Variants in LRP2 observed in about 807,000 individuals in gnomAD.
LRP2 encodes LDL receptor related protein 2.
In LRP2, 172 loss-of-function variants were observed where a neutral mutation model predicts 531.0. That is an observed-to-expected ratio of 0.32 (90% CI 0.29 to 0.37). The LOEUF (loss-of-function observed/expected upper bound fraction) is 0.37, where lower values mean the gene tolerates loss of function less well. LRP2 is among the 10% of genes least tolerant of loss of function. The pLI is 1.00. For synonymous variants in LRP2, 1,992 were observed against 2,027.6 expected (o/e 0.98, Z 0.47); for missense variants, 5,167 against 5,868.3 (o/e 0.88, Z 3.90).
At chr2:169,133,058 C>A (rs1363830932) in intron 76 of LRP2, among the ~76,000 whole-genome samples, 1 of 152,202 alleles carries the variant, frequency 6.6e-6, no homozygotes, top group East Asian at 1.9e-4. Flanking sequence ...AGAAGAACAG[C>A]AAGAATAATT....
At chr2:169,193,954 C>G in intron 46 of LRP2, 62 bp from the exon 47 acceptor site, 1 of 1,595,724 alleles carries the variant, frequency 6.3e-7, no homozygotes, top group Non-Finnish European at 8.6e-7. Flanking sequence ...AATCTGGAGA[C>G]AAGCTGGTTG....
chr2:169,328,420 C>T (rs1685174752), intron 1 of LRP2, among the ~76,000 whole-genome samples: 1 of 119,844 alleles, frequency 8.3e-6, no homozygotes, highest in Admixed American at 1.2e-4. Context: ...TACCCAACAG[C>T]TCATTGAGAA....
intron 1 of LRP2, among the ~76,000 whole-genome samples, chr2:169,346,908 C>T (rs1402051328): frequency 2.0e-5 from 3 of 152,136 alleles, no homozygotes; most frequent in African/African-American, 7.2e-5. Context: ...GGAAGGACAG[C>T]CATACTAGAA....
Position 169,280,644 on chromosome 2 carries a change from C to T in LRP2, c.1172-125G>A, listed in dbSNP as rs1683679504. 6 of 969,980 alleles carry T rather than the reference C, an allele frequency of 6.2e-6. No individual in the cohort carries two copies. The South Asian group carries it at 7.0e-5, about 11-fold the overall frequency. 60.1% of individuals were successfully genotyped at this position (969,980 alleles called of 1,614,324 possible). A position where few individuals can be genotyped will look rare whatever the true frequency, so the allele number is the denominator to read the frequency against. ...TCTAGGTTGTCTTACCTGATTTTAA[C>T]ATAAACCTCTGAGGCAGACAGATAG... On this transcript the variant is annotated intron_variant, in intron 10 of 78. Transcript: ENST00000649046.
intron 46 of LRP2, among the ~76,000 whole-genome samples, chr2:169,196,554 T>G (rs959671724): frequency 4.6e-5 from 7 of 152,314 alleles, no homozygotes; most frequent in Admixed American, 3.9e-4. Flanking sequence ...CAATCACTTT[T>G]AGGTCCTCTG....
intron 1 of LRP2, among the ~76,000 whole-genome samples, chr2:169,342,411 T>C (rs181764605): frequency 9.7e-4 from 147 of 152,280 alleles, no homozygotes; most frequent in Non-Finnish European, 1.8e-3. Context: ...AGTTCTACCC[T>C]CATCATCTGT....
chr2:169,233,270 G>T (rs564183383), intron 30 of LRP2, 141 bp downstream of exon 30: 5 of 865,418 alleles, frequency 5.8e-6, no homozygotes, highest in Admixed American at 2.0e-5. Flanking sequence ...ACTAGGGAAA[G>T]TATATAGTGG....
intron 1 of LRP2, among the ~76,000 whole-genome samples, chr2:169,337,938 A>T (rs976468352): frequency 1.3e-5 from 2 of 152,030 alleles, no homozygotes; most frequent in Non-Finnish European, 2.9e-5. Flanking sequence ...GAGAGCCAGT[A>T]TCTACAAAAA....
chr2:169,165,995 T>C lies in LRP2; in HGVS notation c.11695A>G (p.Ser3899Gly). Residue 3899 changes from serine (S) to glycine (G), a missense_variant, in exon 62 of 79, where the codon AGT becomes GGT. Ser to Gly is a moderately conservative substitution (Grantham distance 56). This residue lies in a region of LRP2 where 564 missense variants were observed against 747.7 expected (regional missense o/e 0.75). Transcript: ENST00000649046. ...FRCDNNRCIY[S>G]HEVCNGVDDC... Reference sequence around the variant, plus strand: ...TCCACACCATTGCACACCTCATGACTATAAATGCAGCGATTGTTGTCACAC... The same window carrying C: ...TCCACACCATTGCACACCTCATGACCATAAATGCAGCGATTGTTGTCACAC... The C allele has an allele frequency of 6.2e-7, 1 of 1,614,060 alleles. No homozygotes were observed. Among genetic ancestry groups the C allele is most frequent in the Non-Finnish European group, 8.5e-7 (1 of 1,179,926 alleles).
intron 26 of LRP2, among the ~76,000 whole-genome samples, chr2:169,238,883 C>T (rs1362702434): frequency 6.6e-6 from 1 of 152,108 alleles, no homozygotes; most frequent in African/African-American, 2.4e-5. Flanking sequence ...GTAGAAATTA[C>T]GAATCAAATC....
intron 76 of LRP2, among the ~76,000 whole-genome samples, chr2:169,134,258 C>A (rs980889377): frequency 6.6e-6 from 1 of 152,174 alleles, no homozygotes; most frequent in African/African-American, 2.4e-5. Flanking sequence ...AACTCACTCT[C>A]TACAGTTCTC....
intron 1 of LRP2, among the ~76,000 whole-genome samples, chr2:169,339,106 G>GT (rs1466123222): frequency 1.2e-3 from 148 of 127,406 alleles, no homozygotes; most frequent in African/African-American, 4.5e-3. Context: ...AATTCTACAG[G>GT]GTTTTTTTTT....
intron 16 of LRP2, among the ~76,000 whole-genome samples, chr2:169,270,224 A>C (rs1683366486): frequency 6.6e-6 from 1 of 152,216 alleles, no homozygotes; most frequent in African/African-American, 2.4e-5. Flanking sequence ...TAGAACTAGA[A>C]ATAACATTTG....
chr2:169,240,675 A>C, intron 25 of LRP2: 1 of 522,390 alleles, frequency 1.9e-6, no homozygotes, highest in South Asian at 3.3e-5. Flanking sequence ...AAGTTAGAAA[A>C]ATTAATGAGC....
At chr2:169,327,322 C>G (rs1277379758) in intron 1 of LRP2, among the ~76,000 whole-genome samples, 1 of 117,024 alleles carries the variant, frequency 8.5e-6, no homozygotes, top group African/African-American at 3.4e-5. Context: ...TGGGGTCAGC[C>G]CCCCGCCCGG....
At position 169,169,738 on chromosome 2, in the gene LRP2, C is replaced by T. The variant is rs778317120; in HGVS notation, c.11461G>A (p.Ala3821Thr). Residue 3821 changes from alanine to threonine, a missense_variant, in exon 60 of 79, where the codon GCT becomes ACT. Transcript: ENST00000649046. ...TCATCAGACGCATCCAAACAGTCAG[C>T]GGATCCATCGCATTTCAGTTCACTG... ...VHSELKCDGS[A>T]DCLDASDEAD... is the part of the protein sequence containing the mutation. 3.6e-5 allele frequency: 58 copies of T among 1,613,970 alleles called. No homozygotes were observed. The highest frequency in any genetic ancestry group is 1.4e-4 in the South Asian group (13 of 91,088).
chr2:169,216,158 G>T, intron 35 of LRP2, 95 bp downstream of exon 35: 1 of 1,317,062 alleles, frequency 7.6e-7, no homozygotes, highest in Admixed American at 1.7e-5. Context: ...TACCAAGTAA[G>T]ATTGTTCAAG....
chr2:169,336,682 C>CA (rs1399686820), intron 1 of LRP2, among the ~76,000 whole-genome samples: 1 of 152,144 alleles, frequency 6.6e-6, no homozygotes, highest in African/African-American at 2.4e-5. Flanking sequence ...GCAAACACTC[C>CA]AAACTAAATG....
At chr2:169,169,650 T>A in intron 60 of LRP2, 52 bp downstream of exon 60, 1 of 1,394,704 alleles carries the variant, frequency 7.2e-7, no homozygotes, top group Non-Finnish European at 1.0e-6. Flanking sequence ...GTCTAAACTA[T>A]CATATCCATG....
Sources: gnomAD v4.1 joint callset for allele counts (sites outside exome capture counted in the v4.1 genomes callset) on GRCh38, gnomAD v4.1.1 for gene constraint, gnomAD v4.1.1 regional missense constraint, MANE v1.5 for transcripts, NCBI Gene and HGNC (gene_info 2026-07-23, HGNC 2026-07-21) for gene names.